LUZP2: variants seen among roughly 807,000 people sequenced by gnomAD.
The protein encoded by LUZP2 is leucine zipper protein 2.
In LUZP2, 52 loss-of-function variants were observed where a neutral mutation model predicts 51.6. The observed-to-expected ratio is 1.01, with a 90% CI of 0.81 to 1.27. LUZP2 has a LOEUF of 1.27. LUZP2 is among the 50% of genes most tolerant of loss of function. The pLI is 0.00. For missense variants in LUZP2, 436 were observed against 395.4 expected, an observed-to-expected ratio of 1.10 and a Z score of -0.87; for synonymous variants, 154 against 137.3, an observed-to-expected ratio of 1.12 and a Z score of -0.85.
intron 4 of LUZP2, chr11:24,751,652 A>G (rs11028139): frequency 0.41 from 324,201 of 781,260 alleles, 71,927 homozygotes; most frequent in Non-Finnish European, 0.44. Context: ...TCCCCAGGAC[A>G]GCAGCCATCA....
chr11:24,875,402 T>G (rs1445599256), intron 5 of LUZP2, among the ~76,000 whole-genome samples: 1 of 146,786 alleles, frequency 6.8e-6, no homozygotes, highest in East Asian at 2.0e-4. Flanking sequence ...GATTTCCAAT[T>G]TCATCCATGT....
chr11:24,976,492 T>C (rs932601240), intron 7 of LUZP2, 99 bp from the exon 8 acceptor site: 13 of 683,006 alleles, frequency 1.9e-5, no homozygotes, highest in Admixed American at 3.2e-5. Context: ...TTTTTTTCTT[T>C]TCTCTCTTTT....
intron 7 of LUZP2, among the ~76,000 whole-genome samples, chr11:24,958,604 G>GT (rs1855284905): frequency 6.6e-6 from 1 of 151,760 alleles, no homozygotes; most frequent in Non-Finnish European, 1.5e-5. Context: ...GGGGTTGTTT[G>GT]TTTTTTTCTT....
intron 5 of LUZP2, among the ~76,000 whole-genome samples, chr11:24,851,750 GC>G (rs1401507174): frequency 5.3e-5 from 8 of 151,958 alleles, no homozygotes; most frequent in Non-Finnish European, 1.5e-5. Flanking sequence ...CTCATCCTGG[GC>G]TTTTTTTGGT....
chr11:24,858,254 T>A (rs1197909138), intron 5 of LUZP2, among the ~76,000 whole-genome samples: 1 of 152,174 alleles, frequency 6.6e-6, no homozygotes, highest in Non-Finnish European at 1.5e-5. Flanking sequence ...AAACTGAATT[T>A]TGTGATCTAA....
intron 4 of LUZP2, among the ~76,000 whole-genome samples, chr11:24,756,626 T>G (rs113627164): frequency 0.014 from 2,141 of 152,286 alleles, 47 homozygotes; most frequent in South Asian, 0.087. Context: ...CAAATTGTTT[T>G]GGGAAAAACT....
intron 9 of LUZP2, among the ~76,000 whole-genome samples, chr11:25,000,260 A>G (rs1856643106): frequency 1.3e-5 from 2 of 152,290 alleles, no homozygotes; most frequent in East Asian, 1.9e-4. Flanking sequence ...CACCTGACCC[A>G]GAAGCCCAAG....
chr11:24,698,863 C>T (rs78284044), intron 1 of LUZP2, among the ~76,000 whole-genome samples: 2,005 of 152,062 alleles, frequency 0.013, 27 homozygotes, highest in Non-Finnish European at 0.019. Context: ...TGAGACCAGC[C>T]TGGGCAACAA....
intron 1 of LUZP2, among the ~76,000 whole-genome samples, chr11:24,556,368 T>C (rs1851869681): frequency 2.6e-5 from 4 of 151,214 alleles, no homozygotes; most frequent in Admixed American, 1.3e-4. Context: ...TATTGTCTAA[T>C]AGTTTCCCTC....
At chr11:24,548,231 C>T (rs1450431886) in intron 1 of LUZP2, among the ~76,000 whole-genome samples, 2 of 151,976 alleles carry the variant, frequency 1.3e-5, no homozygotes, top group Admixed American at 1.3e-4. Flanking sequence ...AATCATTCTA[C>T]CATAAAGACA....
intron 5 of LUZP2, among the ~76,000 whole-genome samples, chr11:24,902,123 TTTA>T (rs1423109028): frequency 1.3e-5 from 2 of 152,164 alleles, no homozygotes; most frequent in Non-Finnish European, 1.5e-5. Context: ...TAAACACAAT[TTTA>T]TTATTATCAA....
intron 5 of LUZP2, among the ~76,000 whole-genome samples, chr11:24,894,043 A>T (rs1342760125): frequency 6.6e-6 from 1 of 151,980 alleles, no homozygotes; most frequent in East Asian, 1.9e-4. Context: ...AAAGCAGATA[A>T]CTCCTGTTTT....
intron 7 of LUZP2, among the ~76,000 whole-genome samples, chr11:24,965,255 T>C (rs1855546512): frequency 2.7e-5 from 4 of 148,052 alleles, no homozygotes. Context: ...AATTCAAGTT[T>C]ATGAATTGCA....
chr11:24,553,087 C>T (rs889663890), intron 1 of LUZP2, among the ~76,000 whole-genome samples: 4 of 151,348 alleles, frequency 2.6e-5, no homozygotes, highest in African/African-American at 9.7e-5. Flanking sequence ...GTTATTTTTG[C>T]AAAGACAATT....
At chr11:25,048,283 T>C (rs1858383574) in intron 9 of LUZP2, among the ~76,000 whole-genome samples, 1 of 152,204 alleles carries the variant, frequency 6.6e-6, no homozygotes, top group African/African-American at 2.4e-5. Flanking sequence ...TTCACCTGGA[T>C]GGCCTCCCTC....
chr11:24,904,134 C>T (rs1008435876), intron 5 of LUZP2, among the ~76,000 whole-genome samples: 3 of 152,240 alleles, frequency 2.0e-5, no homozygotes, highest in South Asian at 2.1e-4. Flanking sequence ...CTCATCAGTA[C>T]TTGTTATTTT....
At chr11:24,665,680 TTTGC>T (rs1421247991) in intron 1 of LUZP2, among the ~76,000 whole-genome samples, 9 of 152,156 alleles carry the variant, frequency 5.9e-5, no homozygotes, top group African/African-American at 2.2e-4. Context: ...GGCTTCCCTC[TTTGC>T]TTGGCTCTCA....
At chr11:24,774,807 T>C (rs1443867647) in intron 5 of LUZP2, among the ~76,000 whole-genome samples, 1 of 134,328 alleles carries the variant, frequency 7.4e-6, no homozygotes, top group African/African-American at 2.8e-5. Flanking sequence ...ATGTAGAATA[T>C]ATATAAAGAA....
intron 1 of LUZP2, among the ~76,000 whole-genome samples, chr11:24,560,989 C>G (rs1852022424): frequency 6.6e-6 from 1 of 151,678 alleles, no homozygotes; most frequent in Admixed American, 6.6e-5. Context: ...CTTATTAGAA[C>G]TATCTGGAGT....
Sources: allele counts gnomAD v4.1 joint callset (sites outside exome capture counted in the v4.1 genomes callset), GRCh38; gene constraint gnomAD v4.1.1; transcripts MANE v1.5; gene names NCBI Gene and HGNC (gene_info 2026-07-23, HGNC 2026-07-21).